The following KCNJ13 variants were observed in gnomAD, a reference collection of about 807,000 sequenced individuals.
KCNJ13 encodes potassium inwardly rectifying channel subfamily J member 13, also known as inward rectifier potassium channel 13.
KCNJ13 carries 9 observed loss-of-function variants against 24.6 expected under a neutral mutation model. The observed-to-expected ratio is 0.37, with a 90% CI of 0.22 to 0.64. KCNJ13 has a LOEUF of 0.64. Among genes scored for constraint, KCNJ13 ranks in the 30% least tolerant of loss-of-function variants. KCNJ13 has a pLI of 0.64. For synonymous variants in KCNJ13, 148 were observed against 154.7 expected (o/e 0.96, Z 0.32); for missense variants, 337 against 443.8 (o/e 0.76, Z 2.16).
At chr2:232,772,946 A>G (rs1185968547) in intron 1 of KCNJ13, among the ~76,000 whole-genome samples, 1 of 152,156 alleles carries the variant, frequency 6.6e-6, no homozygotes, top group South Asian at 2.1e-4. Context: ...CTGGGTATAT[A>G]CAACTTTCTT....
chr2:232,774,211 A>G (rs759192538), intron 1 of KCNJ13, among the ~76,000 whole-genome samples: 2 of 152,092 alleles, frequency 1.3e-5, no homozygotes, highest in African/African-American at 2.4e-5. Flanking sequence ...TTAGTGCCAT[A>G]TTGCCTCCAA....
intron 2 of KCNJ13, among the ~76,000 whole-genome samples, chr2:232,769,617 T>G (rs1377493203): frequency 6.6e-6 from 1 of 152,002 alleles, no homozygotes; most frequent in Non-Finnish European, 1.5e-5. Context: ...GGACTGACTA[T>G]CAGGTAATTT....
intron 1 of KCNJ13, among the ~76,000 whole-genome samples, chr2:232,772,208 C>T (rs1699294095): frequency 6.6e-6 from 1 of 152,142 alleles, no homozygotes; most frequent in African/African-American, 2.4e-5. Flanking sequence ...GCCACCATAC[C>T]TGGTCTTATT....
Position 232,774,924 on chromosome 2 carries a change from G to C in KCNJ13, c.-17+1521C>G, listed in dbSNP as rs145431155. ...TCATTTGGGCTTTTTCAGGACTGTT[G>C]TTACTTCTTACCTACAACTTTTGTA... is the stretch of plus-strand genomic sequence containing the variant. On this transcript the variant is annotated intron_variant, in intron 1 of 2. Transcript: ENST00000233826. Among the ~76,000 whole-genome samples the C allele has an allele frequency of 7.2e-4, 110 of 152,182 alleles. 3 individuals are homozygous for C. In the East Asian group the frequency reaches 0.02, roughly 28 times the overall value.
chr2:232,773,424 A>T (rs140943145), intron 1 of KCNJ13, among the ~76,000 whole-genome samples: 1 of 152,108 alleles, frequency 6.6e-6, no homozygotes, highest in East Asian at 1.9e-4. Flanking sequence ...GGAGCTTTGG[A>T]TTATTTGGAT....
intron 2 of KCNJ13, 127 bp downstream of exon 2, chr2:232,770,776 C>T (rs1699209609): frequency 1.4e-6 from 1 of 692,138 alleles, no homozygotes; most frequent in Non-Finnish European, 2.5e-6. Flanking sequence ...ACATTACCTG[C>T]TATCAATATA....
At chr2:232,774,941 A>G (rs779463926) in intron 1 of KCNJ13, among the ~76,000 whole-genome samples, 1 of 152,138 alleles carries the variant, frequency 6.6e-6, no homozygotes, top group Non-Finnish European at 1.5e-5. Flanking sequence ...CTTACCTACA[A>G]CTTTTGTAGC....
At chr2:232,776,294 G>A (rs1699509875) in intron 1 of KCNJ13, 151 bp downstream of exon 1, 2 of 530,478 alleles carry the variant, frequency 3.8e-6, no homozygotes, top group Non-Finnish European at 6.7e-6. Context: ...TAAGGGAAAA[G>A]AATATAGAAA....
At position 232,768,063 on chromosome 2, in the gene KCNJ13, A is replaced by G. The variant is rs1699047274; in HGVS notation, c.*128T>C. The G allele has an allele frequency of 2.8e-5, 24 of 871,628 alleles. No individual in the cohort carries two copies. In the South Asian group the frequency reaches 3.5e-4, roughly 13 times the overall value. The allele number at this position is 871,628 out of a possible 1,614,324, so 54.0% of individuals were successfully genotyped here. On this transcript the variant is annotated 3_prime_UTR_variant, in exon 3 of 3. Coordinates refer to ENST00000233826, the MANE Select transcript of KCNJ13 (RefSeq NM_002242.4). ...TTAGCTCAGCCATTCTTATGTAGGCATAGGCATGATTACCGTGATGTAGAG... is the reference window on the plus strand; with the variant it reads ...TTAGCTCAGCCATTCTTATGTAGGCGTAGGCATGATTACCGTGATGTAGAG...
In KCNJ13 at chr2:232,765,826, GC is replaced by G; in HGVS notation, c.*2364del. On this transcript the variant is annotated 3_prime_UTR_variant, in exon 3 of 3. Coordinates refer to ENST00000233826, the MANE Select transcript of KCNJ13 (RefSeq NM_002242.4). Reference sequence around the variant, plus strand: ...TGGGCTTGTACATATGTAAAACTAGGCCCCTGAGATTTTTAGGTAACGACAT... The same window carrying G: ...TGGGCTTGTACATATGTAAAACTAGGCCCTGAGATTTTTAGGTAACGACAT... 1 of 436,696 alleles carries G rather than the reference GC, an allele frequency of 2.3e-6. No individual in the cohort carries two copies. The highest frequency in any genetic ancestry group is 4.7e-6 in the Non-Finnish European group (1 of 210,800). 27.1% of individuals were successfully genotyped at this position (436,696 alleles called of 1,614,324 possible).
rs868298678 is a variant in KCNJ13, at chr2:232,776,473, C to A, written c.-45G>T. On this transcript the variant is annotated 5_prime_UTR_variant, in exon 1 of 3. Coordinates refer to ENST00000233826, the MANE Select transcript of KCNJ13 (RefSeq NM_002242.4). ...TTCTTTTGCTGGGTCAGCCTTTATG[C>A]CAAGGTAGGTCTTAAGGAAATTTAC... The A allele has an allele frequency of 1.3e-6, 2 of 1,570,292 alleles. No homozygotes were observed. Among genetic ancestry groups the A allele is most frequent in the Non-Finnish European group, 1.7e-6 (2 of 1,143,622 alleles).
rs1165613800 is a variant in KCNJ13 at position 232,766,401 on chromosome 2, C to T, written c.*1790G>A. 6.1e-6 allele frequency: 1 copy of T among 165,012 alleles called. No homozygotes were observed. The highest frequency in any genetic ancestry group is 1.3e-5 in the Non-Finnish European group (1 of 75,724). The allele number at this position is 165,012 out of a possible 1,614,324, so 10.2% of individuals were successfully genotyped here. On this transcript the variant is annotated 3_prime_UTR_variant, in exon 3 of 3. Transcript: ENST00000233826. ...ACTTATGTCACCTTGGGCAGCTTCA[C>T]TTAACAAGCGAGAGGGTGAACTGTG...
intron 1 of KCNJ13, among the ~76,000 whole-genome samples, chr2:232,774,052 C>T (rs540312192): frequency 3.0e-4 from 45 of 150,572 alleles, no homozygotes; most frequent in African/African-American, 9.5e-4. Flanking sequence ...GACGTTGAGT[C>T]GGGAGGATTG....
intron 2 of KCNJ13, among the ~76,000 whole-genome samples, chr2:232,770,279 C>T (rs758547257): frequency 8.5e-5 from 13 of 152,198 alleles, no homozygotes; most frequent in Admixed American, 7.9e-4. Flanking sequence ...AAAAAGGGCA[C>T]TAGTCCTCCT....
Position 232,769,499 on chromosome 2 carries a change from C to A in KCNJ13, c.461-686G>T, listed in dbSNP as rs1046200926. Among the ~76,000 whole-genome samples the A allele has an allele frequency of 1.7e-4, 23 of 136,376 alleles. 1 individual carries two copies. The highest frequency in any genetic ancestry group is 5.9e-4 in the African/African-American group (21 of 35,488). The allele number at this position is 136,376 out of a possible 152,430, so 89.5% of individuals were successfully genotyped here. A position where few individuals can be genotyped will look rare whatever the true frequency, so the allele number is the denominator to read the frequency against. On this transcript the variant is annotated intron_variant, in intron 2 of 2. Transcript: ENST00000233826. Reference sequence around the variant, plus strand: ...CCAGCCTGGGCAACAGAGGAAGACTCCATCTCAAAAAAAAAAAAAAAAAAA... The same window carrying A: ...CCAGCCTGGGCAACAGAGGAAGACTACATCTCAAAAAAAAAAAAAAAAAAA...
intron 1 of KCNJ13, among the ~76,000 whole-genome samples, chr2:232,773,157 A>G (rs1489359937): frequency 6.6e-6 from 1 of 152,202 alleles, no homozygotes; most frequent in Non-Finnish European, 1.5e-5. Flanking sequence ...ACAAGTTGTC[A>G]TAATCATTTA....
At chr2:232,774,130 AAAAG>A (rs1420494184) in intron 1 of KCNJ13, among the ~76,000 whole-genome samples, 4 of 151,970 alleles carry the variant, frequency 2.6e-5, no homozygotes, top group Admixed American at 6.6e-5. Context: ...AGAAAAAAAA[AAAAG>A]AAAGAAAATG....
intron 1 of KCNJ13, 57 bp from the exon 2 acceptor site, chr2:232,771,435 A>G: frequency 3.5e-6 from 4 of 1,152,700 alleles, no homozygotes; most frequent in Non-Finnish European, 3.8e-6. Flanking sequence ...ATGTTTGTGA[A>G]TTTGGAGAGC....
Position 232,768,311 on chromosome 2 carries a change from A to G in KCNJ13, c.963T>C (p.Thr321=), listed in dbSNP as rs1461344737. The G allele has an allele frequency of 6.2e-7, 1 of 1,614,082 alleles. No individual in the cohort carries two copies. Among genetic ancestry groups the G allele is most frequent in the African/African-American group, 1.3e-5 (1 of 74,940 alleles). ...YQIKMENFDK[T]VPEFPTPLVS... ...CCAGAGGAGTTGGAAATTCAGGGAC[A>G]GTCTTGTCAAAATTCTCCATCTTGA... The change falls in exon 3 of 3, where the codon ACT becomes ACC. Residue 321 remains threonine (T), a synonymous_variant. Coordinates refer to ENST00000233826, the MANE Select transcript of KCNJ13 (RefSeq NM_002242.4).
Sources: gnomAD v4.1 joint callset for allele counts (sites outside exome capture counted in the v4.1 genomes callset) on GRCh38, gnomAD v4.1.1 for gene constraint, MANE v1.5 for transcripts, NCBI Gene and HGNC (gene_info 2026-07-23, HGNC 2026-07-21) for gene names.